The following COG2 variants were observed in gnomAD, a reference collection of about 807,000 sequenced individuals.
COG2 encodes component of oligomeric golgi complex 2.
Under a neutral mutation model 90.6 loss-of-function variants are expected in COG2, and 52 were observed. The observed-to-expected ratio is 0.57, with a 90% CI of 0.46 to 0.72. The LOEUF is 0.72. COG2 is among the 30% of genes least tolerant of loss of function. The probability of loss-of-function intolerance (pLI) is 0.00; values close to 1 mark genes in which losing one functional copy is unlikely to be tolerated. For synonymous variants in COG2, 337 were observed against 320.4 expected, an observed-to-expected ratio of 1.05 and a Z score of -0.55; for missense variants, 829 against 891.2, an observed-to-expected ratio of 0.93 and a Z score of 0.89.
Position 230,683,569 on chromosome 1 carries a change from C to T in COG2, c.1167-5C>T. The T allele has an allele frequency of 6.2e-7, 1 of 1,604,970 alleles. No homozygotes were observed. On this transcript the variant is annotated splice_polypyrimidine_tract_variant and splice_region_variant and intron_variant, in intron 10 of 17. Transcript: ENST00000366669. Reference sequence around the variant, plus strand: ...CATTAATTCTTCTTCTTGTTTTTATCTCAGATTTAGAGAAATAGCGGGATC... The same window carrying T: ...CATTAATTCTTCTTCTTGTTTTTATTTCAGATTTAGAGAAATAGCGGGATC...
chr1:230,681,155 T>C (rs1662739277), intron 10 of COG2: 1 of 152,214 alleles, frequency 6.6e-6, no homozygotes, highest in Admixed American at 6.5e-5. Context: ...GGAAAGTAGA[T>C]GAGGACTTAG....
chr1:230,675,365 T>C (rs1393692541), intron 9 of COG2, among the ~76,000 whole-genome samples: 2 of 152,164 alleles, frequency 1.3e-5, no homozygotes, highest in Admixed American at 1.3e-4. Flanking sequence ...TAGATACAAG[T>C]GTGAGTAGAA....
intron 1 of COG2, among the ~76,000 whole-genome samples, chr1:230,656,199 A>G (rs1451994891): frequency 6.6e-6 from 1 of 151,936 alleles, no homozygotes; most frequent in Non-Finnish European, 1.5e-5. Context: ...TTTTGATGTT[A>G]GGGTGTCAGT....
intron 1 of COG2, among the ~76,000 whole-genome samples, chr1:230,646,612 A>G (rs1422876917): frequency 6.6e-6 from 1 of 152,004 alleles, no homozygotes; most frequent in Non-Finnish European, 1.5e-5. Flanking sequence ...CTGCAACCCC[A>G]TGTGCACAGC....
intron 1 of COG2, among the ~76,000 whole-genome samples, chr1:230,644,008 G>A (rs1887492): frequency 0.17 from 26,031 of 152,114 alleles, 2,752 homozygotes; most frequent in Admixed American, 0.22. Flanking sequence ...AATAATCTCA[G>A]TTTGTCCATC....
intron 15 of COG2, among the ~76,000 whole-genome samples, chr1:230,689,403 T>TA (rs1342437232): frequency 1.3e-5 from 2 of 152,234 alleles, no homozygotes; most frequent in East Asian, 3.8e-4. Context: ...GTTACAGTAA[T>TA]ACATTTACTG....
chr1:230,687,689 T>A (rs1293341496), intron 13 of COG2, among the ~76,000 whole-genome samples: 1 of 147,906 alleles, frequency 6.8e-6, no homozygotes, highest in Non-Finnish European at 1.5e-5. Context: ...TGATACACAA[T>A]TCTGCTTTCC....
intron 5 of COG2, among the ~76,000 whole-genome samples, chr1:230,665,951 A>G (rs995409838): frequency 4.6e-5 from 7 of 151,846 alleles, no homozygotes; most frequent in African/African-American, 1.5e-4. Context: ...GCCCTTTTTC[A>G]TGCCAGCTTT....
intron 9 of COG2, chr1:230,678,545 T>C (rs1235144911): frequency 4.3e-6 from 5 of 1,168,708 alleles, no homozygotes; most frequent in Non-Finnish European, 5.4e-6. Flanking sequence ...ATTTTCTCCT[T>C]CTTTCTCCTT....
intron 15 of COG2, among the ~76,000 whole-genome samples, chr1:230,689,013 A>T: frequency 6.6e-6 from 1 of 152,106 alleles, no homozygotes; most frequent in Non-Finnish European, 1.5e-5. Context: ...GAAAATATTT[A>T]GGGGGAAAAA....
intron 5 of COG2, among the ~76,000 whole-genome samples, chr1:230,664,825 G>A (rs1480521224): frequency 1.3e-5 from 2 of 152,156 alleles, no homozygotes; most frequent in Non-Finnish European, 2.9e-5. Flanking sequence ...GTCAGAGAAC[G>A]TGTACTTTCT....
intron 5 of COG2, among the ~76,000 whole-genome samples, chr1:230,665,989 C>T (rs889430295): frequency 2.0e-5 from 3 of 152,128 alleles, no homozygotes; most frequent in Non-Finnish European, 4.4e-5. Flanking sequence ...TGGGACTGTG[C>T]TCTTGATCAG....
intron 3 of COG2, 126 bp downstream of exon 3, chr1:230,660,949 T>C (rs1234933664): frequency 2.0e-6 from 1 of 507,452 alleles, no homozygotes; most frequent in Non-Finnish European, 3.4e-6. Context: ...TTAGTAATTA[T>C]AATACTCATC....
intron 1 of COG2, among the ~76,000 whole-genome samples, chr1:230,643,454 G>T (rs1661678607): frequency 6.6e-6 from 1 of 152,178 alleles, no homozygotes. Flanking sequence ...TTAATTTCCT[G>T]AGGACTAGGA....
chr1:230,693,169 C>T, intron 17 of COG2, 123 bp from the exon 18 acceptor site: 1 of 590,180 alleles, frequency 1.7e-6, no homozygotes, highest in Non-Finnish European at 3.0e-6. Flanking sequence ...GAAAAAATAT[C>T]CTACAAGTCT....
chr1:230,644,066 C>G (rs538828299), intron 1 of COG2, among the ~76,000 whole-genome samples: 1 of 152,292 alleles, frequency 6.6e-6, no homozygotes, highest in South Asian at 2.1e-4. Context: ...GACTCACTAG[C>G]CCCACCACCT....
chr1:230,658,517 G>T (rs551994599), intron 1 of COG2, among the ~76,000 whole-genome samples: 68 of 152,248 alleles, frequency 4.5e-4, no homozygotes, highest in African/African-American at 1.6e-3. Context: ...TCCCAGTCAG[G>T]ATACACGGGG....
At chr1:230,679,408 G>C (rs1187503826) in intron 10 of COG2, 2 of 163,944 alleles carry the variant, frequency 1.2e-5, no homozygotes, top group East Asian at 3.3e-4. Flanking sequence ...CTATTTCATC[G>C]TCTGCCTCAA....
At chr1:230,674,348 G>A (rs771425855) in intron 8 of COG2, among the ~76,000 whole-genome samples, 1 of 152,136 alleles carries the variant, frequency 6.6e-6, no homozygotes, top group Non-Finnish European at 1.5e-5. Context: ...GCTCCAAAGC[G>A]CATGCTTTCT....
Sources: gnomAD v4.1 joint callset for allele counts (sites outside exome capture counted in the v4.1 genomes callset) on GRCh38, gnomAD v4.1.1 for gene constraint, MANE v1.5 for transcripts, NCBI Gene and HGNC (gene_info 2026-07-23, HGNC 2026-07-21) for gene names.